Variants in LRP1B observed in about 807,000 individuals in gnomAD.
LRP1B encodes LDL receptor related protein 1B.
LRP1B carries 217 observed loss-of-function variants against 556.6 expected under a neutral mutation model. The observed-to-expected ratio is 0.39, with a 90% CI of 0.35 to 0.44. The LOEUF (loss-of-function observed/expected upper bound fraction) is 0.44, where lower values mean the gene tolerates loss of function less well. LRP1B is among the 20% of genes least tolerant of loss of function. The pLI, the probability that LRP1B is intolerant of heterozygous loss-of-function variation, is 1.00. For missense variants in LRP1B, 5,053 were observed against 5,620.8 expected (o/e 0.90, Z 3.23); for synonymous variants, 2,047 against 1,865.8 (o/e 1.10, Z -2.50).
chr2:140,925,727 T>C, intron 20 of LRP1B, among the ~76,000 whole-genome samples: 1 of 152,148 alleles, frequency 6.6e-6, no homozygotes, highest in Admixed American at 6.6e-5. Context: ...TTTAAAAATC[T>C]GAGAATTTCC....
At chr2:141,866,693 G>T (rs981117377) in intron 1 of LRP1B, among the ~76,000 whole-genome samples, 1 of 151,634 alleles carries the variant, frequency 6.6e-6, no homozygotes, top group Non-Finnish European at 1.5e-5. Flanking sequence ...GCTCTATTTG[G>T]TATTTAATAT....
At chr2:140,496,959 C>T (rs1299967601) in intron 55 of LRP1B, among the ~76,000 whole-genome samples, 2 of 150,248 alleles carry the variant, frequency 1.3e-5, no homozygotes, top group Admixed American at 1.3e-4. Context: ...GATGGCAGAG[C>T]TTTGAATTTA....
intron 6 of LRP1B, among the ~76,000 whole-genome samples, chr2:141,212,445 A>T (rs1239290152): frequency 2.8e-5 from 4 of 141,712 alleles, no homozygotes; most frequent in Non-Finnish European, 6.2e-5. Context: ...CGCCCGGATA[A>T]TTTTTTTTTT....
At chr2:141,538,480 AT>A (rs1685137787) in intron 2 of LRP1B, among the ~76,000 whole-genome samples, 1 of 152,064 alleles carries the variant, frequency 6.6e-6, no homozygotes, top group East Asian at 1.9e-4. Flanking sequence ...CTAGCAATCT[AT>A]TACAACTGAG....
chr2:140,563,785 A>G (rs1488207950), intron 43 of LRP1B, among the ~76,000 whole-genome samples: 1 of 152,216 alleles, frequency 6.6e-6, no homozygotes, highest in Non-Finnish European at 1.5e-5. Context: ...CACTTATTAT[A>G]TCTTAATCCA....
chr2:140,312,798 C>A (rs1331356411), intron 83 of LRP1B, among the ~76,000 whole-genome samples: 1 of 151,750 alleles, frequency 6.6e-6, no homozygotes, highest in Admixed American at 6.6e-5. Flanking sequence ...AAACAGTAAC[C>A]TTAAGGAATG....
intron 2 of LRP1B, among the ~76,000 whole-genome samples, chr2:141,648,880 G>T (rs1328790770): frequency 3.3e-5 from 5 of 152,092 alleles, no homozygotes; most frequent in Admixed American, 6.6e-5. Flanking sequence ...TTGAAGTCAG[G>T]GACTGGATCT....
intron 7 of LRP1B, among the ~76,000 whole-genome samples, chr2:141,183,614 A>G (rs1681108176): frequency 6.6e-6 from 1 of 152,040 alleles, no homozygotes; most frequent in Admixed American, 6.6e-5. Flanking sequence ...TTCACAAATA[A>G]ATCCTACAGA....
chr2:140,969,866 T>TA (rs1696357594), intron 18 of LRP1B, among the ~76,000 whole-genome samples: 1 of 152,234 alleles, frequency 6.6e-6, no homozygotes, highest in Non-Finnish European at 1.5e-5. Context: ...TCTTCTGGCT[T>TA]GTAGAGTTTC....
At chr2:141,515,092 C>T (rs1385085781) in intron 2 of LRP1B, among the ~76,000 whole-genome samples, 3 of 152,112 alleles carry the variant, frequency 2.0e-5, no homozygotes, top group African/African-American at 7.2e-5. Context: ...CACCTGAGGT[C>T]AGGAGTTTGA....
intron 3 of LRP1B, among the ~76,000 whole-genome samples, chr2:141,266,351 C>T (rs1010473172): frequency 4.7e-5 from 7 of 149,786 alleles, no homozygotes; most frequent in African/African-American, 1.7e-4. Flanking sequence ...AAAGAATATG[C>T]ATATATGCAT....
At chr2:141,633,698 A>G (rs767219685) in intron 2 of LRP1B, among the ~76,000 whole-genome samples, 1 of 152,064 alleles carries the variant, frequency 6.6e-6, no homozygotes, top group African/African-American at 2.4e-5. Flanking sequence ...ACTATCACCA[A>G]CATCCATTTC....
intron 2 of LRP1B, among the ~76,000 whole-genome samples, chr2:141,572,998 G>A (rs548508856): frequency 6.8e-4 from 103 of 152,158 alleles, no homozygotes; most frequent in African/African-American, 2.3e-3. Context: ...CAATAATATT[G>A]GGATACTTTA....
intron 25 of LRP1B, among the ~76,000 whole-genome samples, chr2:140,872,106 A>G (rs1410834808): frequency 9.8e-6 from 1 of 101,816 alleles, no homozygotes; most frequent in Admixed American, 1.0e-4. Flanking sequence ...TTTGAGCAAA[A>G]GTTTTTTTAT....
chr2:140,390,616 T>TA (rs546180303), intron 66 of LRP1B, among the ~76,000 whole-genome samples: 264 of 152,232 alleles, frequency 1.7e-3, no homozygotes, highest in Non-Finnish European at 3.3e-3. Context: ...TTTTGGTCTT[T>TA]AAAAGACACC....
chr2:140,929,756 T>TCTCTCACACA (rs377746437), intron 20 of LRP1B, among the ~76,000 whole-genome samples: 3 of 139,236 alleles, frequency 2.2e-5, no homozygotes, highest in Non-Finnish European at 4.6e-5. Flanking sequence ...TCATATAGAC[T>TCTCTCACACA]CACACACACA....
intron 52 of LRP1B, among the ~76,000 whole-genome samples, chr2:140,507,796 T>C (rs1387527817): frequency 6.6e-6 from 1 of 152,170 alleles, no homozygotes; most frequent in East Asian, 1.9e-4. Context: ...CTATATGCTA[T>C]TGTAGAATGC....
intron 1 of LRP1B, among the ~76,000 whole-genome samples, chr2:141,983,433 C>T (rs1702097968): frequency 2.0e-5 from 3 of 152,114 alleles, no homozygotes; most frequent in Admixed American, 2.0e-4. Context: ...GCAGACAACA[C>T]AATTGATTAT....
At chr2:141,137,982 T>A (rs1482233104) in intron 7 of LRP1B, among the ~76,000 whole-genome samples, 1 of 151,806 alleles carries the variant, frequency 6.6e-6, no homozygotes, top group Non-Finnish European at 1.5e-5. Context: ...ACAAAAGTGT[T>A]ATAAAAATGG....
Sources: gnomAD v4.1 joint callset for allele counts (sites outside exome capture counted in the v4.1 genomes callset) on GRCh38, gnomAD v4.1.1 for gene constraint, MANE v1.5 for transcripts, NCBI Gene and HGNC (gene_info 2026-07-23, HGNC 2026-07-21) for gene names.